UBE3B: variants seen among roughly 807,000 people sequenced by gnomAD.
UBE3B encodes ubiquitin protein ligase E3B.
UBE3B carries 80 observed loss-of-function variants against 132.3 expected under a neutral mutation model. The observed-to-expected ratio is 0.60, with a 90% CI of 0.50 to 0.73. UBE3B has a LOEUF of 0.73. Among genes scored for constraint, UBE3B ranks in the 30% least tolerant of loss-of-function variants. UBE3B has a pLI of 0.00. For missense variants in UBE3B, 1,196 were observed against 1,362.5 expected (o/e 0.88, Z 1.92); for synonymous variants, 487 against 520.4 (o/e 0.94, Z 0.87).
At chr12:109,543,204 G>T in the UBE3B span, among the ~76,000 whole-genome samples, 1 of 152,240 alleles carries the variant, frequency 6.6e-6, no homozygotes. Flanking sequence ...CGTGTGGCTT[G>T]TCTGAACACT....
At chr12:109,498,482 G>T (rs977809436) in intron 11 of UBE3B, 129 bp downstream of exon 11, 12 of 1,057,448 alleles carry the variant, frequency 1.1e-5, no homozygotes, top group Middle Eastern at 4.3e-4. Context: ...TAAAAAACAC[G>T]TATTTAGATA....
intron 5 of UBE3B, among the ~76,000 whole-genome samples, 172 bp downstream of exon 5, chr12:109,486,243 A>G (rs1383699053): frequency 2.0e-5 from 3 of 152,242 alleles, no homozygotes; most frequent in Non-Finnish European, 4.4e-5. Flanking sequence ...TGATCCAGGT[A>G]GCTACGTTCT....
At position 109,534,699 on chromosome 12, in the gene UBE3B, C is replaced by A; in HGVS notation, c.3124C>A (p.Leu1042Met). 1 of 1,608,472 alleles carries A rather than the reference C, an allele frequency of 6.2e-7. No individual in the cohort carries two copies. Residue 1042 changes from leucine (L) to methionine (M), a missense_variant, in exon 28 of 28, where the codon CTG becomes ATG. Leu to Met is a conservative substitution (Grantham distance 15, BLOSUM62 2). Transcript: ENST00000342494. The surrounding 1 kb of genome is among the most constrained non-coding windows in gnomAD (Gnocchi z 5.2). ...TSSTCFNLLKLPNYSKKSVLR... is the reference protein window; with the variant it reads ...TSSTCFNLLKMPNYSKKSVLR... ...CTCCACCTGCTTCAACCTGCTCAAGCTGCCCAACTACAGCAAGAAGAGCGT... is the reference window on the plus strand; with the variant it reads ...CTCCACCTGCTTCAACCTGCTCAAGATGCCCAACTACAGCAAGAAGAGCGT...
At chr12:109,494,335 T>C (rs1233196092) in intron 9 of UBE3B, among the ~76,000 whole-genome samples, 1 of 152,220 alleles carries the variant, frequency 6.6e-6, no homozygotes. Flanking sequence ...TTTTAGTAAA[T>C]AGCACTTGAG....
In UBE3B at chr12:109,530,057, A is replaced by G. The variant is rs1345114378; in HGVS notation, c.2795A>G (p.Asp932Gly). ...RLISGDNAEI[D>G]LEDLKKHTVY... The stretch of plus-strand genomic sequence containing the variant: ...ATCTCTGGCGACAATGCTGAGATTG[A>G]TCTGGAAGATTTAAAGTAAGAGGCG... The change falls in exon 25 of 28, where the codon GAT (aspartate) becomes GGT (glycine). Residue 932 changes from aspartate to glycine, a missense_variant. Coordinates refer to ENST00000342494, the MANE Select transcript of UBE3B (RefSeq NM_130466.4). 2.5e-6 allele frequency: 4 copies of G among 1,613,530 alleles called. No homozygotes were observed. Among genetic ancestry groups the G allele is most frequent in the Admixed American group, 1.7e-5 (1 of 59,974 alleles).
rs778119408 is a variant in UBE3B at position 109,522,939 on chromosome 12, C to T, written c.2365-1039C>T. 2.6e-5 allele frequency among the ~76,000 whole-genome samples: 4 copies of T among 152,206 alleles called. No individual in the cohort carries two copies. The highest frequency in any genetic ancestry group is 6.5e-5 in the Admixed American group (1 of 15,288). On this transcript the variant is annotated intron_variant, in intron 21 of 27. Coordinates refer to ENST00000342494, the MANE Select transcript of UBE3B (RefSeq NM_130466.4). The surrounding 1 kb of genome is among the most constrained non-coding windows in gnomAD (Gnocchi z 4.2). The stretch of plus-strand genomic sequence containing the variant: ...CATGGCATATGTTTTCCTTTAAACA[C>T]GTTGCTGTGATGACACTCAGAAGAG...
At chr12:109,512,283 T>G (rs1264207852) in intron 18 of UBE3B, among the ~76,000 whole-genome samples, 1 of 151,434 alleles carries the variant, frequency 6.6e-6, no homozygotes, top group Non-Finnish European at 1.5e-5. Context: ...TCAGACGGAG[T>G]GAGAAGTCCA....
chr12:109,499,911 TAAAA>T, intron 12 of UBE3B, 101 bp downstream of exon 12: 1 of 1,094,710 alleles, frequency 9.1e-7, no homozygotes, highest in Non-Finnish European at 1.2e-6. Context: ...TTTCTTATTA[TAAAA>T]ATAATATGTA....
rs376000542 is a variant in UBE3B at position 109,507,904 on chromosome 12, T to C, written c.1622+169T>C. On this transcript the variant is annotated intron_variant, in intron 15 of 27. Coordinates refer to ENST00000342494, the MANE Select transcript of UBE3B (RefSeq NM_130466.4). ...CCAAGTGAGCAGTGTGCAGTAAATG[T>C]TCAGCAGTTGTTAGGGTGGGGCCTG... Among the ~76,000 whole-genome samples the C allele has an allele frequency of 2.6e-5, 4 of 152,316 alleles. No individual in the cohort carries two copies. The South Asian group carries it at 6.2e-4, about 24-fold the overall frequency.
chr12:109,515,541 A>G (rs1325916522), intron 18 of UBE3B, among the ~76,000 whole-genome samples: 8 of 151,796 alleles, frequency 5.3e-5, no homozygotes, highest in African/African-American at 1.5e-4. Flanking sequence ...AGCTAATTCT[A>G]TATTTTTAGT....
chr12:109,494,362 C>A (rs1036915393), intron 9 of UBE3B, among the ~76,000 whole-genome samples: 1 of 152,162 alleles, frequency 6.6e-6, no homozygotes, highest in African/African-American at 2.4e-5. Context: ...CCCAAACTTG[C>A]CCTGTTCCTC....
intron 14 of UBE3B, 86 bp downstream of exon 14, chr12:109,503,276 CT>C: frequency 6.5e-7 from 1 of 1,529,220 alleles, no homozygotes. Context: ...TTTCTGGCTT[CT>C]TTGACTCTGA....
intron 2 of UBE3B, among the ~76,000 whole-genome samples, chr12:109,482,085 AATAAT>A (rs1470360679): frequency 6.6e-6 from 1 of 152,172 alleles, no homozygotes; most frequent in Non-Finnish European, 1.5e-5. Context: ...TATTAATACT[AATAAT>A]AGAGCACACT....
chr12:109,489,966 G>A lies in UBE3B; in HGVS notation c.592G>A (p.Gly198Arg), dbSNP rs1282787828. ...AMNHICANIMGHLNQHGFYSV... is the reference protein window; with the variant it reads ...AMNHICANIMRHLNQHGFYSV... ...GAACCACATTTGTGCAAATATAATG[G>A]GACATCTCAACCAGCATGGATTTTA... Residue 198 changes from glycine to arginine, a missense_variant, in exon 8 of 28, where the codon GGA becomes AGA. Transcript: ENST00000342494. The A allele has an allele frequency of 6.2e-7, 1 of 1,614,158 alleles. No individual in the cohort carries two copies. The highest frequency in any genetic ancestry group is 1.1e-5 in the South Asian group (1 of 91,080).
intron 14 of UBE3B, among the ~76,000 whole-genome samples, chr12:109,505,243 A>G (rs1429288856): frequency 1.3e-5 from 2 of 152,234 alleles, no homozygotes; most frequent in African/African-American, 2.4e-5. Flanking sequence ...CTGTTTTTCT[A>G]CTGACAACTT....
intron 9 of UBE3B, among the ~76,000 whole-genome samples, chr12:109,493,851 G>A (rs1435446930): frequency 6.6e-6 from 1 of 152,152 alleles, no homozygotes; most frequent in African/African-American, 2.4e-5. Flanking sequence ...TGTGAGACAA[G>A]GTCGTGCTTT....
In UBE3B at chr12:109,534,671, C is replaced by T; in HGVS notation, c.3096C>T (p.Thr1032=). ...RKREPGGRLP[T]SSTCFNLLKL... is the part of the protein sequence containing the mutation. ...GGGAGCCAGGCGGCCGCCTGCCCAC[C>T]TCCTCCACCTGCTTCAACCTGCTCA... The change falls in exon 28 of 28, where the codon ACC becomes ACT. Residue 1032 remains threonine, a synonymous_variant. Transcript: ENST00000342494. This position sits in a 1 kb window ranked among gnomAD's most constrained non-coding sequence, Gnocchi z 5.2. 3 of 1,611,350 alleles carry T rather than the reference C, an allele frequency of 1.9e-6. No individual in the cohort carries two copies. Among genetic ancestry groups the T allele is most frequent in the South Asian group, 1.1e-5 (1 of 90,724 alleles).
rs958531238 is a variant in UBE3B at position 109,524,441 on chromosome 12, T to C, written c.2506T>C (p.Tyr836His). The change falls in exon 23 of 28, where the codon TAT becomes CAT. Residue 836 changes from tyrosine to histidine, a missense_variant. By Grantham distance (83) the Tyr-to-His change is moderately conservative. Transcript: ENST00000342494. ...TTCCCCTTCTCTGTTACATTAGCGC[T>C]ATGATGGGGACATCACTGACCTGGG... ...FYKNLTSIKR[Y>H]DGDITDLGLT... 2.5e-6 allele frequency: 4 copies of C among 1,614,070 alleles called. No individual in the cohort carries two copies. The East Asian group carries it at 6.7e-5, about 27-fold the overall frequency.
intron 1 of UBE3B, among the ~76,000 whole-genome samples, chr12:109,481,180 G>A (rs1300337471): frequency 1.3e-5 from 2 of 151,832 alleles, no homozygotes; most frequent in Non-Finnish European, 2.9e-5. Context: ...GATAGGGTAT[G>A]GTGGCACACA....
Sources: allele counts gnomAD v4.1 joint callset (sites outside exome capture counted in the v4.1 genomes callset), GRCh38; gene constraint gnomAD v4.1.1; non-coding constraint Gnocchi (gnomAD v3.1); transcripts MANE v1.5; gene names NCBI Gene and HGNC (gene_info 2026-07-23, HGNC 2026-07-21).